Variants in LIN7A observed in about 807,000 individuals in gnomAD.
LIN7A encodes protein lin-7 homolog A.
LIN7A carries 25 observed loss-of-function variants against 29.8 expected under a neutral mutation model. The ratio of observed to expected loss-of-function variants is 0.84; its 90% CI spans 0.61 to 1.17. The LOEUF (loss-of-function observed/expected upper bound fraction) is 1.17, where lower values mean the gene tolerates loss of function less well. Among genes scored for constraint, LIN7A ranks in the 50% most tolerant of loss-of-function variants. LIN7A has a pLI of 0.00. For missense variants in LIN7A, 239 were observed against 287.0 expected, an observed-to-expected ratio of 0.83 and a Z score of 1.21; for synonymous variants, 118 against 107.5, an observed-to-expected ratio of 1.10 and a Z score of -0.60.
At chr12:80,924,241 C>T (rs916913032) in intron 1 of LIN7A, among the ~76,000 whole-genome samples, 1 of 152,044 alleles carries the variant, frequency 6.6e-6, no homozygotes, top group African/African-American at 2.4e-5. Flanking sequence ...TGTCATAATT[C>T]CTATATTAAA....
At chr12:80,897,858 T>C (rs1034373609) in intron 1 of LIN7A, among the ~76,000 whole-genome samples, 5 of 152,146 alleles carry the variant, frequency 3.3e-5, no homozygotes, top group Non-Finnish European at 7.4e-5. Flanking sequence ...AAGTCAAATA[T>C]TAAATATTGA....
intron 5 of LIN7A, among the ~76,000 whole-genome samples, chr12:80,799,294 C>G (rs1481298927): frequency 6.6e-6 from 1 of 151,958 alleles, no homozygotes; most frequent in Non-Finnish European, 1.5e-5. Flanking sequence ...AGAAAAGCTT[C>G]TTTTCCATAT....
intron 1 of LIN7A, among the ~76,000 whole-genome samples, chr12:80,890,512 G>A (rs1875567747): frequency 6.6e-6 from 1 of 152,092 alleles, no homozygotes; most frequent in Non-Finnish European, 1.5e-5. Context: ...AAATATAATA[G>A]CACAGCCACC....
chr12:80,898,871 A>G lies in LIN7A; in HGVS notation c.83-9502T>C, dbSNP rs555478905. On this transcript the variant is annotated intron_variant, in intron 1 of 5. Coordinates refer to ENST00000552864, the MANE Select transcript of LIN7A (RefSeq NM_004664.4). ...TTTTGCTGAAGTTGTTTATCAGATC[A>G]AAGAGCTTTTGCACACAGTCTATGG... 2.6e-5 allele frequency among the ~76,000 whole-genome samples: 4 copies of G among 152,296 alleles called. No homozygotes were observed. In the East Asian group the frequency reaches 7.7e-4, roughly 29 times the overall value.
intron 5 of LIN7A, among the ~76,000 whole-genome samples, chr12:80,803,636 T>G (rs1017719975): frequency 1.3e-5 from 2 of 152,026 alleles, no homozygotes; most frequent in African/African-American, 4.8e-5. Flanking sequence ...ATGCAAATTT[T>G]GGGATTTTTT....
chr12:80,798,297 G>C (rs1354008033), intron 5 of LIN7A, among the ~76,000 whole-genome samples: 2 of 152,156 alleles, frequency 1.3e-5, no homozygotes, highest in Non-Finnish European at 2.9e-5. Context: ...CACTATTAGA[G>C]GGTCATTTCT....
At chr12:80,803,525 C>T (rs753070658) in intron 5 of LIN7A, among the ~76,000 whole-genome samples, 4 of 152,040 alleles carry the variant, frequency 2.6e-5, no homozygotes, top group East Asian at 1.9e-4. Flanking sequence ...TTTTGATTAC[C>T]ATAGCTTTGT....
intron 5 of LIN7A, among the ~76,000 whole-genome samples, chr12:80,809,727 G>C (rs1263825089): frequency 1.3e-5 from 2 of 151,906 alleles, no homozygotes; most frequent in African/African-American, 4.8e-5. Context: ...TCTAAGATGG[G>C]GTCTCTTAAC....
At chr12:80,875,794 A>G (rs1465007054) in intron 2 of LIN7A, among the ~76,000 whole-genome samples, 1 of 152,194 alleles carries the variant, frequency 6.6e-6, no homozygotes, top group Non-Finnish European at 1.5e-5. Context: ...TATAATAGAC[A>G]TTTTCTACTT....
chr12:80,810,412 TGTGTGTG>T (rs1307603388), intron 5 of LIN7A, among the ~76,000 whole-genome samples: 54 of 149,978 alleles, frequency 3.6e-4, no homozygotes, highest in South Asian at 2.7e-3. Flanking sequence ...TGTGTGTGTG[TGTGTGTG>T]TGTGTGTGTG....
At chr12:80,832,085 AAAG>A (rs1366981187) in intron 4 of LIN7A, among the ~76,000 whole-genome samples, 1 of 152,202 alleles carries the variant, frequency 6.6e-6, no homozygotes, top group African/African-American at 2.4e-5. Context: ...TTTAGGCAAA[AAAG>A]AAGAGTGGTG....
At chr12:80,863,292 TA>T (rs1233612454) in intron 2 of LIN7A, among the ~76,000 whole-genome samples, 1 of 152,242 alleles carries the variant, frequency 6.6e-6, no homozygotes, top group African/African-American at 2.4e-5. Flanking sequence ...TCTTGTAGAT[TA>T]AACTAGATAA....
At position 80,863,834 on chromosome 12, in the gene LIN7A, C is replaced by G. The variant is rs533515179; in HGVS notation, c.202-15512G>C. Among the ~76,000 whole-genome samples the G allele has an allele frequency of 4.6e-5, 7 of 152,140 alleles. 1 individual carries two copies. The South Asian group carries it at 1.5e-3, about 32-fold the overall frequency. ...GCTTAACCATAGGGTAAGGACATTT[C>G]TTTTGCATATAAGCTGGAAACTCTT... On this transcript the variant is annotated intron_variant, in intron 2 of 5. Coordinates refer to ENST00000552864, the MANE Select transcript of LIN7A (RefSeq NM_004664.4).
chr12:80,856,153 G>A (rs1873585881), intron 2 of LIN7A, among the ~76,000 whole-genome samples: 1 of 152,128 alleles, frequency 6.6e-6, no homozygotes, highest in African/African-American at 2.4e-5. Flanking sequence ...TACAAGTCAT[G>A]TCTACTACAG....
chr12:80,896,308 A>G (rs1025504290), intron 1 of LIN7A, among the ~76,000 whole-genome samples: 2 of 152,224 alleles, frequency 1.3e-5, no homozygotes, highest in Admixed American at 6.5e-5. Context: ...GACAAGCGAT[A>G]GTAACAGTGA....
At chr12:80,881,228 T>C (rs958307603) in intron 2 of LIN7A, among the ~76,000 whole-genome samples, 2 of 152,204 alleles carry the variant, frequency 1.3e-5, no homozygotes, top group African/African-American at 4.8e-5. Flanking sequence ...CTTCATCCTA[T>C]CATTGGCAGG....
chr12:80,853,221 T>C (rs1042633629), intron 2 of LIN7A, among the ~76,000 whole-genome samples: 5 of 152,204 alleles, frequency 3.3e-5, no homozygotes, highest in East Asian at 1.9e-4. Context: ...CTTTAGGGTC[T>C]CTTTTCTTCT....
intron 2 of LIN7A, among the ~76,000 whole-genome samples, chr12:80,880,166 C>T (rs1874952281): frequency 6.6e-6 from 1 of 152,126 alleles, no homozygotes; most frequent in Admixed American, 6.6e-5. Context: ...GGAAAGGTCA[C>T]AAGATTTTAC....
At chr12:80,832,748 T>G (rs1872429223) in intron 4 of LIN7A, 1 of 404,606 alleles carries the variant, frequency 2.5e-6, no homozygotes, top group African/African-American at 2.2e-5. Flanking sequence ...TATGGCATAG[T>G]GTACAATGTG....
Sources: gnomAD v4.1 joint callset for allele counts (sites outside exome capture counted in the v4.1 genomes callset) on GRCh38, gnomAD v4.1.1 for gene constraint, MANE v1.5 for transcripts, NCBI Gene and HGNC (gene_info 2026-07-23, HGNC 2026-07-21) for gene names.